LSMEM1: variants seen among roughly 807,000 people sequenced by gnomAD.
LSMEM1 encodes the protein leucine rich single-pass membrane protein 1.
A neutral mutation model predicts 11.3 loss-of-function variants in LSMEM1; 10 were observed. That is an observed-to-expected ratio of 0.89 (90% confidence interval 0.55 to 1.50). LSMEM1 has a LOEUF of 1.50. Ranked by LOEUF, LSMEM1 falls within the 40% of genes most tolerant of loss-of-function variation. The probability of loss-of-function intolerance (pLI) is 0.00; values close to 1 mark genes in which losing one functional copy is unlikely to be tolerated. For synonymous variants in LSMEM1, 65 were observed against 59.3 expected, an observed-to-expected ratio of 1.10 and a Z score of -0.44; for missense variants, 151 against 152.9, an observed-to-expected ratio of 0.99 and a Z score of 0.06.
rs552415428 is a variant in LSMEM1, at chr7:112,488,055, C to T, written c.256+1004C>T. Among the ~76,000 whole-genome samples, 33 of 152,248 alleles carry T rather than the reference C, an allele frequency of 2.2e-4. No homozygotes were observed. The South Asian group carries it at 6.6e-3, about 31-fold the overall frequency. On this transcript the variant is annotated intron_variant, in intron 3 of 3. Coordinates refer to ENST00000312849, the MANE Select transcript of LSMEM1 (RefSeq NM_182597.3). ...TGATGACCCTTTCACCGCTTCCAAT[C>T]CCATTTCCTCCCCCAAAGACTCCTC... is the stretch of plus-strand genomic sequence containing the variant.
rs186265289 is a variant in LSMEM1 at position 112,490,021 on chromosome 7, A to G, written c.*72A>G. The G allele has an allele frequency of 6.0e-6, 9 of 1,504,078 alleles. No homozygotes were observed. In the Admixed American group the frequency reaches 1.8e-4, roughly 29 times the overall value. 93.2% of individuals were successfully genotyped at this position (1,504,078 alleles called of 1,614,324 possible). Reference sequence around the variant, plus strand: ...TTTCCTGGGAGTGTACAGGGTTAGGAACTGAGAAAGTGCACTTCCTCAGGC... The same window carrying G: ...TTTCCTGGGAGTGTACAGGGTTAGGGACTGAGAAAGTGCACTTCCTCAGGC... On this transcript the variant is annotated 3_prime_UTR_variant, in exon 4 of 4. Coordinates refer to ENST00000312849, the MANE Select transcript of LSMEM1 (RefSeq NM_182597.3).
At position 112,490,754 on chromosome 7, in the gene LSMEM1, T is replaced by C. The variant is rs1796220985; in HGVS notation, c.*805T>C. The C allele has an allele frequency of 6.6e-6, 1 of 152,216 alleles. No individual in the cohort carries two copies. 9.4% of individuals were successfully genotyped at this position (152,216 alleles called of 1,614,324 possible). A position where few individuals can be genotyped will look rare whatever the true frequency, so the allele number is the denominator to read the frequency against. ...TTGATTTGGAAGAAATCTGATAGAT[T>C]TGTGGCCTTTCCTAAATTGCACTAG... On this transcript the variant is annotated 3_prime_UTR_variant, in exon 4 of 4. Transcript: ENST00000312849.
chr7:112,489,883 G>T lies in LSMEM1; in HGVS notation c.330G>T (p.Lys110Asn), dbSNP rs143147036. Residue 110 changes from lysine (K) to asparagine (N), a missense_variant, in exon 4 of 4, where the codon AAG becomes AAT. Coordinates refer to ENST00000312849, the MANE Select transcript of LSMEM1 (RefSeq NM_182597.3). ...TAEGKDIDDL[K>N]RINNMIVKRL... Reference sequence around the variant, plus strand: ...AAGGAAAAGACATAGATGATCTTAAGAGAATCAATAACATGATCGTAAAGC... The same window carrying T: ...AAGGAAAAGACATAGATGATCTTAATAGAATCAATAACATGATCGTAAAGC... The T allele has an allele frequency of 2.5e-6, 4 of 1,614,036 alleles. No homozygotes were observed. The highest frequency in any genetic ancestry group is 3.4e-6 in the Non-Finnish European group (4 of 1,180,014).
At chr7:112,483,873 G>A (rs958668159) in intron 1 of LSMEM1, among the ~76,000 whole-genome samples, 2 of 152,130 alleles carry the variant, frequency 1.3e-5, no homozygotes, top group African/African-American at 4.8e-5. Context: ...GATTAGACTT[G>A]ATAACCATGA....
chr7:112,489,744 G>A (rs979848281), intron 3 of LSMEM1, 66 bp from the exon 4 acceptor site: 18 of 1,540,926 alleles, frequency 1.2e-5, no homozygotes, highest in Non-Finnish European at 1.3e-5. Context: ...CCAACATGGG[G>A]ATCTGATGAA....
intron 1 of LSMEM1, among the ~76,000 whole-genome samples, chr7:112,481,629 G>C (rs1796035416): frequency 7.3e-6 from 1 of 136,082 alleles, no homozygotes; most frequent in African/African-American, 2.9e-5. Context: ...TTATTTCTGT[G>C]GTTTGATACC....
At chr7:112,483,706 T>C (rs554725745) in intron 1 of LSMEM1, 11 of 152,240 alleles carry the variant, frequency 7.2e-5, no homozygotes, top group Non-Finnish European at 1.6e-4. Context: ...GCAAGACTCA[T>C]TGAATGCTGA....
chr7:112,484,840 T>C lies in LSMEM1; in HGVS notation c.24T>C (p.Thr8=), dbSNP rs1312976128. The C allele has an allele frequency of 6.2e-7, 1 of 1,613,648 alleles. No homozygotes were observed. The highest frequency in any genetic ancestry group is 8.5e-7 in the Non-Finnish European group (1 of 1,179,744). MTHSSQD[T]GSCGIQEDGK... ...CAATGACTCATTCTTCCCAGGACAC[T>C]GGTTCTTGTGGCATTCAGGAAGATG... The change falls in exon 2 of 4, where the codon ACT becomes ACC. Residue 8 remains threonine (T), a synonymous_variant. Coordinates refer to ENST00000312849, the MANE Select transcript of LSMEM1 (RefSeq NM_182597.3).
intron 3 of LSMEM1, 43 bp from the exon 4 acceptor site, chr7:112,489,767 A>G: frequency 1.3e-6 from 2 of 1,582,080 alleles, no homozygotes. Flanking sequence ...TCAGTGGAAC[A>G]CAGTGGAAAC....
intron 1 of LSMEM1, among the ~76,000 whole-genome samples, chr7:112,482,751 A>G (rs1425674310): frequency 2.0e-5 from 3 of 151,994 alleles, no homozygotes; most frequent in Non-Finnish European, 4.4e-5. Flanking sequence ...CTTTTACTCT[A>G]TTTGCTGCTG....
chr7:112,487,060 C>T lies in LSMEM1; in HGVS notation c.256+9C>T, dbSNP rs376762563. The T allele has an allele frequency of 3.7e-6, 6 of 1,611,410 alleles. No homozygotes were observed. The highest frequency in any genetic ancestry group is 4.2e-6 in the Non-Finnish European group (5 of 1,179,378). On this transcript the variant is annotated intron_variant, in intron 3 of 3. Transcript: ENST00000312849. ...CGTGATATTTCTAATAGGTAAGTAC[C>T]ACCACAGGTTTCTTTTTTATTACTT...
rs892317146 is a variant in LSMEM1, at chr7:112,490,571, C to G, written c.*622C>G. 6.6e-6 allele frequency: 1 copy of G among 152,344 alleles called. No individual in the cohort carries two copies. The highest frequency in any genetic ancestry group is 6.5e-5 in the Admixed American group (1 of 15,304). The allele number at this position is 152,344 out of a possible 1,614,324, so 9.4% of individuals were successfully genotyped here. On this transcript the variant is annotated 3_prime_UTR_variant, in exon 4 of 4. Transcript: ENST00000312849. ...AAAAGGGAAAGCCTAATTAATTCAA[C>G]TAATGTTTATTAAGCTCCTACTCTG... is the stretch of plus-strand genomic sequence containing the variant.
At chr7:112,485,081 T>C (rs1356327062) in intron 2 of LSMEM1, 138 bp downstream of exon 2, 2 of 1,051,500 alleles carry the variant, frequency 1.9e-6, no homozygotes, top group African/African-American at 3.3e-5. Context: ...ATGTTATTTG[T>C]TGTTGGGCAA....
At chr7:112,481,472 A>G (rs1334867650) in intron 1 of LSMEM1, 126 bp downstream of exon 1, 1 of 152,310 alleles carries the variant, frequency 6.6e-6, no homozygotes, top group African/African-American at 2.4e-5. Flanking sequence ...GATTTTAAAA[A>G]TTACTTCCTG....
upstream of LSMEM1, chr7:112,480,745 G>A (rs975120348): frequency 1.8e-5 from 8 of 450,122 alleles, no homozygotes; most frequent in South Asian, 6.3e-5. Context: ...ACTCACAATC[G>A]CTTTTTGTAG....
At chr7:112,488,034 G>A (rs148914602) in intron 3 of LSMEM1, among the ~76,000 whole-genome samples, 1 of 152,228 alleles carries the variant, frequency 6.6e-6, no homozygotes, top group East Asian at 1.9e-4. Flanking sequence ...AGTTCATGAT[G>A]ACCCTTTCAC....
At chr7:112,485,165 A>G (rs1434318302) in intron 2 of LSMEM1, among the ~76,000 whole-genome samples, 2 of 152,104 alleles carry the variant, frequency 1.3e-5, no homozygotes, top group Admixed American at 6.5e-5. Context: ...TGAACTCTTG[A>G]CTTCAAATAT....
In LSMEM1 at chr7:112,484,834, G is replaced by T. The variant is rs778219151; in HGVS notation, c.18G>T (p.Gln6His). Residue 6 changes from glutamine (Q) to histidine (H), a missense_variant, in exon 2 of 4, where the codon CAG (glutamine) becomes CAT (histidine). Physicochemically the swap from Gln to His is conservative, Grantham distance 24 (BLOSUM62 0). Transcript: ENST00000312849. The part of the protein sequence containing the change: MTHSS[Q>H]DTGSCGIQED... ...CAGGGACAATGACTCATTCTTCCCA[G>T]GACACTGGTTCTTGTGGCATTCAGG... 6.2e-7 allele frequency: 1 copy of T among 1,613,702 alleles called. No homozygotes were observed. The highest frequency in any genetic ancestry group is 1.1e-5 in the South Asian group (1 of 91,050).
chr7:112,481,966 A>T (rs1250108275), intron 1 of LSMEM1, among the ~76,000 whole-genome samples: 1 of 152,228 alleles, frequency 6.6e-6, no homozygotes, highest in Non-Finnish European at 1.5e-5. Context: ...TTGTTCCTAG[A>T]TGCCCTCATT....
Sources: gnomAD v4.1 joint callset for allele counts (sites outside exome capture counted in the v4.1 genomes callset) on GRCh38, gnomAD v4.1.1 for gene constraint, MANE v1.5 for transcripts, NCBI Gene and HGNC (gene_info 2026-07-23, HGNC 2026-07-21) for gene names.